Variants in XPO6 observed in about 807,000 individuals in gnomAD.
XPO6 encodes the protein exportin 6.
XPO6 carries 3 observed loss-of-function variants against 130.0 expected under a neutral mutation model. The observed-to-expected ratio is 0.02, with a 90% CI of 0.01 to 0.06. The LOEUF is 0.06. XPO6 is among the 10% of genes least tolerant of loss of function. The pLI, the probability that XPO6 is intolerant of heterozygous loss-of-function variation, is 1.00. For synonymous variants in XPO6, 524 were observed against 548.9 expected (o/e 0.95, Z 0.63); for missense variants, 970 against 1,393.0 (o/e 0.70, Z 4.83).
At chr16:28,157,789 T>C (rs1251099222) in intron 6 of XPO6, among the ~76,000 whole-genome samples, 1 of 152,214 alleles carries the variant, frequency 6.6e-6, no homozygotes, top group African/African-American at 2.4e-5. Flanking sequence ...AAGGAATGGA[T>C]GCAGGAACCT....
chr16:28,107,441 C>T, intron 18 of XPO6, 81 bp downstream of exon 18: 2 of 1,517,480 alleles, frequency 1.3e-6, no homozygotes, highest in Non-Finnish European at 1.8e-6. Context: ...TGCACCGACT[C>T]AGTGTGTTCT....
chr16:28,116,607 AAAGGTCATTGTAGGGTT>A (rs1182597277), intron 15 of XPO6, among the ~76,000 whole-genome samples: 3 of 152,196 alleles, frequency 2.0e-5, no homozygotes, highest in Admixed American at 6.5e-5. Flanking sequence ...TCGAACACGT[AAAGGTCATTGTAGGGTT>A]ATTAAATGGC....
Position 28,180,924 on chromosome 16 carries a change from G to T in XPO6, c.94+17C>A. Reference sequence around the variant, plus strand: ...CCTCATTATAAATTCCTCTTTACAAGTCAATGCTCCACTTACCTATCTCAC... The same window carrying T: ...CCTCATTATAAATTCCTCTTTACAATTCAATGCTCCACTTACCTATCTCAC... On this transcript the variant is annotated intron_variant, in intron 2 of 23. Transcript: ENST00000304658. 6.2e-7 allele frequency: 1 copy of T among 1,604,556 alleles called. No individual in the cohort carries two copies. The highest frequency in any genetic ancestry group is 8.5e-7 in the Non-Finnish European group (1 of 1,174,606).
At chr16:28,129,301 CA>C (rs2042621274) in intron 12 of XPO6, among the ~76,000 whole-genome samples, 1 of 152,180 alleles carries the variant, frequency 6.6e-6, no homozygotes, top group African/African-American at 2.4e-5. Flanking sequence ...TTCACCACCA[CA>C]AAAGTCACGC....
chr16:28,171,253 G>A (rs562601418), intron 4 of XPO6, among the ~76,000 whole-genome samples: 11 of 151,798 alleles, frequency 7.2e-5, no homozygotes, highest in African/African-American at 2.4e-4. Flanking sequence ...AGCAGTTCGA[G>A]ACCAACCTGG....
intron 1 of XPO6, among the ~76,000 whole-genome samples, chr16:28,189,180 A>G (rs1024452272): frequency 6.6e-6 from 1 of 151,720 alleles, no homozygotes; most frequent in African/African-American, 2.4e-5. Flanking sequence ...TCCAGGGCTC[A>G]AGCGATCCGC....
chr16:28,195,979 C>T (rs1333066229), intron 1 of XPO6, among the ~76,000 whole-genome samples: 2 of 152,178 alleles, frequency 1.3e-5, no homozygotes, highest in Non-Finnish European at 2.9e-5. Context: ...CCAATTTGCA[C>T]TCCAAATCAA....
At chr16:28,137,517 C>T (rs1462692204) in intron 9 of XPO6, among the ~76,000 whole-genome samples, 1 of 152,124 alleles carries the variant, frequency 6.6e-6, no homozygotes, top group Non-Finnish European at 1.5e-5. Context: ...AAAAGATATC[C>T]AATACCAAGA....
chr16:28,166,301 A>G (rs892594752), intron 6 of XPO6, among the ~76,000 whole-genome samples: 1 of 152,178 alleles, frequency 6.6e-6, no homozygotes. Flanking sequence ...AAAATGAGGG[A>G]AACAACCTAG....
chr16:28,148,480 T>A (rs2043024238), intron 8 of XPO6, among the ~76,000 whole-genome samples: 1 of 152,208 alleles, frequency 6.6e-6, no homozygotes, highest in Non-Finnish European at 1.5e-5. Context: ...ATTTTTAAAA[T>A]GGACCTAGAC....
At chr16:28,199,866 C>T (rs1185189094) in intron 1 of XPO6, among the ~76,000 whole-genome samples, 2 of 151,448 alleles carry the variant, frequency 1.3e-5, no homozygotes, top group African/African-American at 4.8e-5. Context: ...TTTTAAAAGG[C>T]CTTCCCTGGG....
intron 9 of XPO6, among the ~76,000 whole-genome samples, chr16:28,144,558 A>G (rs1028280578): frequency 2.0e-5 from 3 of 152,248 alleles, no homozygotes; most frequent in African/African-American, 7.2e-5. Flanking sequence ...CTACAGGTAC[A>G]TACTACCACA....
chr16:28,208,450 G>A (rs746447304), intron 1 of XPO6, among the ~76,000 whole-genome samples: 13 of 152,142 alleles, frequency 8.5e-5, no homozygotes, highest in Non-Finnish European at 1.5e-5. Context: ...GGGGGACAGG[G>A]CCTACCCTAC....
chr16:28,148,575 A>G (rs1445318230), intron 8 of XPO6, among the ~76,000 whole-genome samples: 2 of 152,244 alleles, frequency 1.3e-5, no homozygotes, highest in African/African-American at 4.8e-5. Context: ...CAAGTGGTTT[A>G]CAGTGTTTAG....
intron 9 of XPO6, among the ~76,000 whole-genome samples, chr16:28,138,472 C>T (rs895174972): frequency 5.9e-5 from 9 of 152,118 alleles, no homozygotes; most frequent in South Asian, 2.1e-4. Flanking sequence ...AAAAAAAACC[C>T]GTATCGCTTA....
chr16:28,126,251 C>G lies in XPO6; in HGVS notation c.1607-403G>C, dbSNP rs16939844. ...TCCGGGGCAAGGCTGGTGTTCTACG[C>G]TGAGTCTATGTGACTCCAAATCTGG... is the stretch of plus-strand genomic sequence containing the variant. On this transcript the variant is annotated intron_variant, in intron 12 of 23. Coordinates refer to ENST00000304658, the MANE Select transcript of XPO6 (RefSeq NM_015171.4). Among the ~76,000 whole-genome samples the G allele has an allele frequency of 9.8e-3, 1,491 of 152,354 alleles. 31 individuals are homozygous for G. Among genetic ancestry groups the G allele is most frequent in the African/African-American group, 0.034 (1,418 of 41,578 alleles).
intron 13 of XPO6, among the ~76,000 whole-genome samples, chr16:28,124,772 T>G (rs1418482875): frequency 6.6e-6 from 1 of 152,252 alleles, no homozygotes; most frequent in African/African-American, 2.4e-5. Context: ...TTAAGGGATT[T>G]AAGCCCCTTG....
intron 8 of XPO6, among the ~76,000 whole-genome samples, chr16:28,147,672 C>G (rs28546115): frequency 0.93 from 141,018 of 152,246 alleles, 66,210 homozygotes; most frequent in Non-Finnish European, 1. Flanking sequence ...GCAGCCAGAC[C>G]GAGTGGCTCA....
chr16:28,098,710 T>C, intron 23 of XPO6, 71 bp from the exon 24 acceptor site: 1 of 1,171,994 alleles, frequency 8.5e-7, no homozygotes, highest in Non-Finnish European at 1.2e-6. Flanking sequence ...CAACAGCTAC[T>C]TCCATCCCAG....
Sources: allele counts gnomAD v4.1 joint callset (sites outside exome capture counted in the v4.1 genomes callset), GRCh38; gene constraint gnomAD v4.1.1; transcripts MANE v1.5; gene names NCBI Gene and HGNC (gene_info 2026-07-23, HGNC 2026-07-21).